PCDHA11: variants seen among roughly 807,000 people sequenced by gnomAD.
PCDHA11 encodes the protein protocadherin alpha 11.
PCDHA11 carries 61 observed loss-of-function variants against 70.3 expected under a neutral mutation model. That is an observed-to-expected ratio of 0.87 (90% CI 0.71 to 1.07). The LOEUF is 1.07. Among genes scored for constraint, PCDHA11 ranks in the 50% least tolerant of loss-of-function variants. The pLI, the probability that PCDHA11 is intolerant of heterozygous loss-of-function variation, is 0.00. For synonymous variants in PCDHA11, 633 were observed against 555.1 expected (o/e 1.14, Z -1.97); for missense variants, 1,324 against 1,237.5 (o/e 1.07, Z -1.05).
intron 3 of PCDHA11, among the ~76,000 whole-genome samples, chr5:141,002,090 A>AGG (rs782223041): frequency 1.3e-5 from 2 of 152,254 alleles, no homozygotes; most frequent in Non-Finnish European, 2.9e-5. Flanking sequence ...CGAGCAGTCC[A>AGG]GGGGCTGGGC....
chr5:140,872,817 T>G (rs1316271424), intron 1 of PCDHA11, among the ~76,000 whole-genome samples: 1 of 152,214 alleles, frequency 6.6e-6, no homozygotes, highest in African/African-American at 2.4e-5. Context: ...TTTTTCAGAT[T>G]CATCTAGCAG....
intron 1 of PCDHA11, chr5:140,967,430 T>C (rs1554229552): frequency 1.2e-6 from 2 of 1,613,482 alleles, no homozygotes; most frequent in East Asian, 4.5e-5. Context: ...GCAGGCAGCC[T>C]TGCACCACCT....
At position 140,871,143 on chromosome 5, in the gene PCDHA11, G is replaced by C. The variant is rs2052747767; in HGVS notation, c.2040G>C (p.Arg680=). The C allele has an allele frequency of 6.2e-7, 1 of 1,613,356 alleles. No homozygotes were observed. Among genetic ancestry groups the C allele is most frequent in the South Asian group, 1.1e-5 (1 of 91,088 alleles). Residue 680 remains arginine, a synonymous_variant, in exon 1 of 4, where the codon CGG becomes CGC. Transcript: ENST00000398640. ...GACAGGCGCCAAAGGCCTCTTCCCG[G>C]ACTTTGGCGGGCGCCGCGAGCCCAG... ...ESGQAPKASS[R]TLAGAASPEA... is the part of the protein sequence containing the mutation.
chr5:140,975,156 G>A (rs1404839334), intron 1 of PCDHA11, among the ~76,000 whole-genome samples: 15 of 152,174 alleles, frequency 9.9e-5, no homozygotes, highest in Non-Finnish European at 2.1e-4. Context: ...AGTTCCTAGA[G>A]AACTGAGGAC....
intron 1 of PCDHA11, among the ~76,000 whole-genome samples, chr5:140,913,854 A>G: frequency 6.6e-6 from 1 of 152,128 alleles, no homozygotes; most frequent in Middle Eastern, 3.2e-3. Context: ...ATTCAGGAGC[A>G]TATTGTTTAA....
intron 1 of PCDHA11, among the ~76,000 whole-genome samples, chr5:140,970,397 T>C (rs2096402198): frequency 6.6e-6 from 1 of 152,218 alleles, no homozygotes; most frequent in Non-Finnish European, 1.5e-5. Flanking sequence ...GGAAAGTGGA[T>C]GGCTTACCCT....
chr5:140,969,613 T>C (rs2096347317), intron 1 of PCDHA11: 2 of 727,588 alleles, frequency 2.7e-6, no homozygotes, highest in African/African-American at 1.8e-5. Flanking sequence ...AAACACAGAT[T>C]TGTAGAGAAA....
chr5:140,880,743 T>C (rs976006299), intron 1 of PCDHA11, among the ~76,000 whole-genome samples: 7 of 152,212 alleles, frequency 4.6e-5, no homozygotes, highest in African/African-American at 1.7e-4. Flanking sequence ...AAATGGATTG[T>C]CAGTGTAACT....
At chr5:140,945,158 G>C in intron 1 of PCDHA11, among the ~76,000 whole-genome samples, 1 of 151,932 alleles carries the variant, frequency 6.6e-6, no homozygotes, top group Non-Finnish European at 1.5e-5. Flanking sequence ...ATACACTATT[G>C]AACTATCTGA....
chr5:141,003,291 G>C (rs1402781511), intron 3 of PCDHA11, among the ~76,000 whole-genome samples: 1 of 152,158 alleles, frequency 6.6e-6, no homozygotes, highest in Non-Finnish European at 1.5e-5. Flanking sequence ...TGGATTATAG[G>C]ATTACATGAA....
At chr5:140,941,901 GA>G (rs782298792) in intron 1 of PCDHA11, among the ~76,000 whole-genome samples, 1 of 152,130 alleles carries the variant, frequency 6.6e-6, no homozygotes, top group African/African-American at 2.4e-5. Context: ...AAGTAACATT[GA>G]AATGCTTTTA....
chr5:140,950,070 A>G (rs2094446713), intron 1 of PCDHA11, among the ~76,000 whole-genome samples: 1 of 151,890 alleles, frequency 6.6e-6, no homozygotes, highest in Non-Finnish European at 1.5e-5. Flanking sequence ...TTCCTGTGCC[A>G]TTGCTTATGC....
chr5:140,983,504 G>A (rs2097054493), intron 3 of PCDHA11, among the ~76,000 whole-genome samples: 1 of 152,160 alleles, frequency 6.6e-6, no homozygotes, highest in Non-Finnish European at 1.5e-5. Flanking sequence ...GCCATAATAT[G>A]CCTAGACACT....
chr5:140,966,925 A>C (rs782069766), intron 1 of PCDHA11: 1 of 1,603,462 alleles, frequency 6.2e-7, no homozygotes, highest in Non-Finnish European at 8.5e-7. Context: ...AGGAGCAGGC[A>C]CCCGGCGCGC....
intron 1 of PCDHA11, among the ~76,000 whole-genome samples, chr5:140,935,971 C>A (rs1563151362): frequency 6.7e-6 from 1 of 149,774 alleles, no homozygotes; most frequent in African/African-American, 2.5e-5. Context: ...TGGCTCACTG[C>A]AATCTCTGCC....
chr5:141,008,530 A>G (rs1176119695), intron 3 of PCDHA11, among the ~76,000 whole-genome samples: 2 of 152,128 alleles, frequency 1.3e-5, no homozygotes, highest in African/African-American at 4.8e-5. Context: ...ACTCTTGGGA[A>G]TGTCTTTTAT....
intron 1 of PCDHA11, chr5:140,876,882 G>C: frequency 1.2e-6 from 2 of 1,614,140 alleles, no homozygotes; most frequent in Non-Finnish European, 1.7e-6. Context: ...ACAACCCGCC[G>C]GGCTGCCACA....
chr5:140,933,494 T>C (rs901456699), intron 1 of PCDHA11, among the ~76,000 whole-genome samples: 3 of 152,110 alleles, frequency 2.0e-5, no homozygotes, highest in Non-Finnish European at 4.4e-5. Context: ...TTCTTTAGAA[T>C]TGTTAAGCAA....
At position 140,883,390 on chromosome 5, in the gene PCDHA11, G is replaced by A. The variant is rs373348994; in HGVS notation, c.2391+11896G>A. The A allele has an allele frequency of 2.5e-6, 4 of 1,614,050 alleles. No homozygotes were observed. The African/African-American group carries it at 5.3e-5, about 22-fold the overall frequency. ...GCGCCATTATTGCCCTAATCAGTGT[G>A]TCCGATCGTGACTCTGGCTCAAATG... is the stretch of plus-strand genomic sequence containing the variant. On this transcript the variant is annotated intron_variant, in intron 1 of 3. Coordinates refer to ENST00000398640, the MANE Select transcript of PCDHA11 (RefSeq NM_018902.5).
Sources: gnomAD v4.1 joint callset for allele counts (sites outside exome capture counted in the v4.1 genomes callset) on GRCh38, gnomAD v4.1.1 for gene constraint, MANE v1.5 for transcripts, NCBI Gene and HGNC (gene_info 2026-07-23, HGNC 2026-07-21) for gene names.